NALF1: variants seen among roughly 807,000 people sequenced by gnomAD.
The protein encoded by NALF1 is NALCN channel auxiliary factor 1.
In NALF1, 3 loss-of-function variants were observed where a neutral mutation model predicts 48.4. That is an observed-to-expected ratio of 0.06 (90% CI 0.03 to 0.16). The LOEUF is 0.16. NALF1 is among the 10% of genes least tolerant of loss of function. NALF1 has a pLI of 1.00. For missense variants in NALF1, 526 were observed against 571.5 expected (o/e 0.92, Z 0.81); for synonymous variants, 262 against 245.7 (o/e 1.07, Z -0.62).
chr13:107,196,609 A>G (rs1246938196), intron 2 of NALF1, among the ~76,000 whole-genome samples: 1 of 152,204 alleles, frequency 6.6e-6, no homozygotes, highest in African/African-American at 2.4e-5. Flanking sequence ...AAAATATTAC[A>G]TGATGGCACT....
chr13:107,818,912 A>G (rs1344071664), intron 1 of NALF1, among the ~76,000 whole-genome samples: 1 of 150,366 alleles, frequency 6.7e-6, no homozygotes, highest in East Asian at 2.0e-4. Flanking sequence ...TTGAGCAAAT[A>G]TGAGACTTCC....
At chr13:107,373,278 G>C (rs978087706) in intron 1 of NALF1, among the ~76,000 whole-genome samples, 1 of 152,142 alleles carries the variant, frequency 6.6e-6, no homozygotes, top group African/African-American at 2.4e-5. Flanking sequence ...ACTAGCACCA[G>C]GTTCTCTTGA....
At chr13:107,441,148 C>G (rs1884552817) in intron 1 of NALF1, among the ~76,000 whole-genome samples, 1 of 152,200 alleles carries the variant, frequency 6.6e-6, no homozygotes, top group African/African-American at 2.4e-5. Flanking sequence ...CTGACTCTAT[C>G]TCTTGCCCCC....
At chr13:107,613,000 G>GAAA (rs34831534) in intron 1 of NALF1, among the ~76,000 whole-genome samples, 2 of 144,756 alleles carry the variant, frequency 1.4e-5, no homozygotes, top group African/African-American at 2.6e-5. Context: ...TTCCCACAAT[G>GAAA]AGAAAAAAAA....
chr13:107,278,035 A>G (rs1050156946), intron 1 of NALF1, among the ~76,000 whole-genome samples: 2 of 152,212 alleles, frequency 1.3e-5, no homozygotes, highest in African/African-American at 4.8e-5. Flanking sequence ...ATCTTATACA[A>G]TGATTTAAAA....
At chr13:107,235,608 G>A (rs889254113) in intron 1 of NALF1, among the ~76,000 whole-genome samples, 1 of 152,170 alleles carries the variant, frequency 6.6e-6, no homozygotes, top group African/African-American at 2.4e-5. Context: ...AAAGAATAAT[G>A]ACAAGAGAAA....
intron 1 of NALF1, among the ~76,000 whole-genome samples, chr13:107,401,768 C>G (rs1323666): frequency 0.58 from 88,462 of 151,840 alleles, 26,096 homozygotes; most frequent in African/African-American, 0.66. Context: ...CGTGGTTGCA[C>G]ATATGTGATT....
chr13:107,719,990 C>T (rs779682244), intron 1 of NALF1, among the ~76,000 whole-genome samples: 12 of 152,128 alleles, frequency 7.9e-5, no homozygotes, highest in Non-Finnish European at 1.3e-4. Flanking sequence ...AATGCCCTCC[C>T]CATCTCCACT....
intron 1 of NALF1, among the ~76,000 whole-genome samples, chr13:107,350,077 C>T (rs943211661): frequency 2.0e-5 from 3 of 152,152 alleles, no homozygotes; most frequent in African/African-American, 4.8e-5. Context: ...AGCCACTGAT[C>T]TGACGGGAGG....
intron 1 of NALF1, among the ~76,000 whole-genome samples, chr13:107,246,426 G>A (rs549219979): frequency 1.4e-3 from 217 of 152,214 alleles, no homozygotes; most frequent in Non-Finnish European, 2.8e-3. Context: ...GCTAAAGCTT[G>A]AAACCCTGTT....
chr13:107,834,084 A>G (rs1566500181), intron 1 of NALF1, among the ~76,000 whole-genome samples: 1 of 152,168 alleles, frequency 6.6e-6, no homozygotes, highest in Non-Finnish European at 1.5e-5. Context: ...AGAATTAAAC[A>G]CCAATTTTAA....
At chr13:107,309,624 A>G (rs1351197640) in intron 1 of NALF1, among the ~76,000 whole-genome samples, 2 of 152,234 alleles carry the variant, frequency 1.3e-5, no homozygotes, top group Admixed American at 1.3e-4. Context: ...ATTCAAATAC[A>G]AGGCAGTGTG....
intron 2 of NALF1, among the ~76,000 whole-genome samples, chr13:107,204,758 T>C (rs1367947934): frequency 2.0e-5 from 3 of 152,214 alleles, no homozygotes; most frequent in Admixed American, 1.3e-4. Context: ...TTCCCGTTTC[T>C]TTTTTGCCTT....
intron 1 of NALF1, among the ~76,000 whole-genome samples, chr13:107,223,560 T>C (rs1880037585): frequency 6.6e-6 from 1 of 152,350 alleles, no homozygotes; most frequent in African/African-American, 2.4e-5. Flanking sequence ...TAGATTTCAC[T>C]CATGAACAAT....
At chr13:107,851,198 T>C (rs1370756495) in intron 1 of NALF1, among the ~76,000 whole-genome samples, 10 of 152,214 alleles carry the variant, frequency 6.6e-5, no homozygotes, top group Non-Finnish European at 7.3e-5. Context: ...CATGGTAACC[T>C]TATAGTATCT....
chr13:107,541,202 TGAAAAC>T, intron 1 of NALF1, among the ~76,000 whole-genome samples: 1 of 152,256 alleles, frequency 6.6e-6, no homozygotes, highest in African/African-American at 2.4e-5. Flanking sequence ...CATGTCTGTT[TGAAAAC>T]ACATTTTTGT....
At chr13:107,469,303 C>A (rs1363560017) in intron 1 of NALF1, among the ~76,000 whole-genome samples, 1 of 152,132 alleles carries the variant, frequency 6.6e-6, no homozygotes, top group Non-Finnish European at 1.5e-5. Flanking sequence ...GATGATACTT[C>A]TCATACGTGA....
intron 1 of NALF1, among the ~76,000 whole-genome samples, chr13:107,487,434 C>A (rs928981154): frequency 1.4e-4 from 22 of 152,146 alleles, no homozygotes; most frequent in African/African-American, 4.8e-4. Flanking sequence ...TTATAACCAA[C>A]AGTTTGAAAA....
chr13:107,390,148 T>A (rs2138982111), intron 1 of NALF1, among the ~76,000 whole-genome samples: 1 of 152,184 alleles, frequency 6.6e-6, no homozygotes, highest in Middle Eastern at 3.4e-3. Context: ...CAGGGGCAGA[T>A]CGCTTGAAGC....
Sources: allele counts gnomAD v4.1 joint callset (sites outside exome capture counted in the v4.1 genomes callset), GRCh38; gene constraint gnomAD v4.1.1; transcripts MANE v1.5; gene names NCBI Gene and HGNC (gene_info 2026-07-23, HGNC 2026-07-21).